Variants in PSAP observed in about 807,000 individuals in gnomAD.
The protein encoded by PSAP is prosaposin, also known as precursor of saposins.
Under a neutral mutation model 66.0 loss-of-function variants are expected in PSAP, and 25 were observed. That is an observed-to-expected ratio of 0.38 (90% CI 0.28 to 0.53). The LOEUF is 0.53. Ranked by LOEUF, PSAP falls within the 20% of genes least tolerant of loss-of-function variation. The pLI, the probability that PSAP is intolerant of heterozygous loss-of-function variation, is 0.83. For synonymous variants in PSAP, 273 were observed against 258.9 expected, an observed-to-expected ratio of 1.05 and a Z score of -0.52; for missense variants, 649 against 668.8, an observed-to-expected ratio of 0.97 and a Z score of 0.33.
chr10:71,835,035 G>A (rs1044258918), intron 1 of PSAP, among the ~76,000 whole-genome samples: 6 of 151,754 alleles, frequency 4.0e-5, no homozygotes, highest in Non-Finnish European at 7.4e-5. Context: ...AGGAGATCAA[G>A]ACCATCCTGG....
intron 6 of PSAP, among the ~76,000 whole-genome samples, chr10:71,826,981 AAT>A (rs944405962): frequency 6.6e-6 from 1 of 152,194 alleles, no homozygotes; most frequent in African/African-American, 2.4e-5. Context: ...GGGCCAAGAA[AAT>A]GAGTTTCTGA....
At chr10:71,842,956 C>T (rs997779196) in intron 1 of PSAP, among the ~76,000 whole-genome samples, 12 of 152,164 alleles carry the variant, frequency 7.9e-5, no homozygotes, top group Non-Finnish European at 1.6e-4. Context: ...CTGAAGTCTA[C>T]CTGGCTACAC....
intron 1 of PSAP, among the ~76,000 whole-genome samples, chr10:71,844,561 G>A (rs545734277): frequency 1.3e-5 from 2 of 152,276 alleles, no homozygotes; most frequent in East Asian, 3.9e-4. Context: ...AGCTACTCGG[G>A]AGGCTGAGAC....
chr10:71,824,151 C>T (rs1842357885), intron 7 of PSAP, among the ~76,000 whole-genome samples: 1 of 152,080 alleles, frequency 6.6e-6, no homozygotes, highest in Admixed American at 6.6e-5. Context: ...TCTGTGTGCA[C>T]CATCTCCAGG....
At chr10:71,834,687 G>C (rs566782202) in intron 1 of PSAP, among the ~76,000 whole-genome samples, 182 bp from the exon 2 acceptor site, 2 of 152,368 alleles carry the variant, frequency 1.3e-5, no homozygotes, top group South Asian at 4.1e-4. Context: ...AAGCTGGCTT[G>C]TCTGTCACAG....
At chr10:71,824,971 C>A (rs1842373571) in intron 7 of PSAP, among the ~76,000 whole-genome samples, 1 of 152,166 alleles carries the variant, frequency 6.6e-6, no homozygotes, top group Non-Finnish European at 1.5e-5. Context: ...AACTACTCCT[C>A]CTCAGCTTGC....
rs1317922842 is a variant in PSAP at position 71,819,891 on chromosome 10, G to T, written c.1015C>A (p.Leu339Ile). The change falls in exon 10 of 14, where the codon CTC (leucine) becomes ATC (isoleucine). Residue 339 changes from leucine (L) to isoleucine (I), a missense_variant. Transcript: ENST00000394936. The part of the protein sequence containing the change: ...IDNNKTEKEI[L>I]DAFDKMCSKL... The stretch of plus-strand genomic sequence containing the variant: ...GAGCACATTTTGTCAAAAGCGTCGA[G>T]TATTTCTTTCTGAAACACACGAGAG... The T allele has an allele frequency of 2.5e-6, 4 of 1,613,896 alleles. No individual in the cohort carries two copies. In the African/African-American group the frequency reaches 5.3e-5, roughly 22 times the overall value.
At position 71,820,256 on chromosome 10, in the gene PSAP, T is replaced by C. The variant is rs772669981; in HGVS notation, c.989A>G (p.Asp330Gly). 6.2e-7 allele frequency: 1 copy of C among 1,613,786 alleles called. No homozygotes were observed. The highest frequency in any genetic ancestry group is 8.5e-7 in the Non-Finnish European group (1 of 1,179,660). Residue 330 changes from aspartate (D) to glycine (G), a missense_variant, in exon 9 of 14, where the codon GAC becomes GGC. Transcript: ENST00000394936. ...ACAGCATACCTCAGTCTTGTTGTTG[T>C]CAATCAGCTTGGTCACCTCCTTCAC... ...FLVKEVTKLI[D>G]NNKTEKEILD...
chr10:71,829,753 C>A (rs1842474211), intron 4 of PSAP, among the ~76,000 whole-genome samples: 1 of 152,154 alleles, frequency 6.6e-6, no homozygotes. Context: ...AATCCCAGCA[C>A]TTTGTGAGGC....
chr10:71,820,756 AC>A (rs1354710915), intron 8 of PSAP, among the ~76,000 whole-genome samples: 11 of 152,214 alleles, frequency 7.2e-5, no homozygotes, highest in Non-Finnish European at 1.6e-4. Context: ...AATGTTGAAC[AC>A]ACTTCAGGTC....
In PSAP at chr10:71,822,016, A is replaced by G. The variant is rs1842310965; in HGVS notation, c.778-9T>C. 1.2e-6 allele frequency: 2 copies of G among 1,614,078 alleles called. No individual in the cohort carries two copies. Among genetic ancestry groups the G allele is most frequent in the East Asian group, 2.2e-5 (1 of 44,886 alleles). On this transcript the variant is annotated splice_polypyrimidine_tract_variant and intron_variant, in intron 7 of 13. Coordinates refer to ENST00000394936, the MANE Select transcript of PSAP (RefSeq NM_002778.4). ...CAGATCTCCTTGGGTTGCTGAAGAG[A>G]GCACAGAACAACCAGTCAGCAGCAA...
intron 2 of PSAP, among the ~76,000 whole-genome samples, chr10:71,832,940 C>A (rs1233035110): frequency 1.4e-5 from 2 of 147,526 alleles, no homozygotes; most frequent in African/African-American, 5.0e-5. Flanking sequence ...TTGCTTGAAC[C>A]CGGGAGGCGG....
intron 12 of PSAP, 47 bp downstream of exon 12, chr10:71,818,984 C>T (rs560911471): frequency 1.3e-6 from 2 of 1,550,684 alleles, no homozygotes; most frequent in African/African-American, 1.4e-5. Flanking sequence ...CTGCAGCCCC[C>T]CAGGTTACAG....
chr10:71,825,486 C>T (rs1170083766), intron 7 of PSAP, among the ~76,000 whole-genome samples: 2 of 152,254 alleles, frequency 1.3e-5, no homozygotes, highest in African/African-American at 4.8e-5. Flanking sequence ...GGTGGCAACA[C>T]AGCCATTCTC....
At chr10:71,839,727 G>A (rs1842697556) in intron 1 of PSAP, among the ~76,000 whole-genome samples, 1 of 152,050 alleles carries the variant, frequency 6.6e-6, no homozygotes, top group African/African-American at 2.4e-5. Context: ...GGTGGCAGGT[G>A]CCTGTAATCC....
intron 1 of PSAP, among the ~76,000 whole-genome samples, chr10:71,848,567 A>C (rs1842866480): frequency 6.6e-6 from 1 of 152,164 alleles, no homozygotes; most frequent in South Asian, 2.1e-4. Flanking sequence ...GATGGGCAGA[A>C]AAGTAACTCA....
At chr10:71,850,320 C>T (rs561688984) in intron 1 of PSAP, among the ~76,000 whole-genome samples, 38 of 152,346 alleles carry the variant, frequency 2.5e-4, no homozygotes, top group African/African-American at 8.9e-4. Context: ...TTGGTCTCCA[C>T]AATCCTTTAT....
intron 2 of PSAP, among the ~76,000 whole-genome samples, chr10:71,833,726 G>A (rs1282379181): frequency 6.6e-6 from 1 of 152,204 alleles, no homozygotes; most frequent in African/African-American, 2.4e-5. Context: ...GGGACCGTGA[G>A]GAACACACCC....
intron 1 of PSAP, among the ~76,000 whole-genome samples, chr10:71,839,761 G>A (rs886280201): frequency 2.0e-5 from 3 of 152,136 alleles, no homozygotes; most frequent in African/African-American, 7.2e-5. Context: ...GGCTGAGGCA[G>A]GAGAATCGCT....
Sources: gnomAD v4.1 joint callset for allele counts (sites outside exome capture counted in the v4.1 genomes callset) on GRCh38, gnomAD v4.1.1 for gene constraint, MANE v1.5 for transcripts, NCBI Gene and HGNC (gene_info 2026-07-23, HGNC 2026-07-21) for gene names.